ATXN7L1: variants seen among roughly 807,000 people sequenced by gnomAD.
ATXN7L1 encodes ataxin 7 like 1.
Under a neutral mutation model 70.8 loss-of-function variants are expected in ATXN7L1, and 15 were observed. The ratio of observed to expected loss-of-function variants is 0.21; its 90% confidence interval spans 0.14 to 0.33. The LOEUF (loss-of-function observed/expected upper bound fraction) is 0.33, where lower values mean the gene tolerates loss of function less well. Among genes scored for constraint, ATXN7L1 ranks in the 10% least tolerant of loss-of-function variants. The probability of loss-of-function intolerance (pLI) is 1.00; values close to 1 mark genes in which losing one functional copy is unlikely to be tolerated. For synonymous variants in ATXN7L1, 440 were observed against 445.1 expected, an observed-to-expected ratio of 0.99 and a Z score of 0.14; for missense variants, 975 against 1,097.1, an observed-to-expected ratio of 0.89 and a Z score of 1.57.
At chr7:105,626,974 GA>G (rs1350568221) in intron 7 of ATXN7L1, among the ~76,000 whole-genome samples, 1 of 152,182 alleles carries the variant, frequency 6.6e-6, no homozygotes, top group African/African-American at 2.4e-5. Flanking sequence ...TGATGTTGTG[GA>G]CGTGTTTCCA....
rs1792757531 is a variant in ATXN7L1 at position 105,606,195 on chromosome 7, TA to T, written c.*1656del. On this transcript the variant is annotated 3_prime_UTR_variant, in exon 12 of 12. Coordinates refer to ENST00000419735, the MANE Select transcript of ATXN7L1 (RefSeq NM_020725.2). ...TCATCCGAACTAATGTCCTGGTACTTAATATCAACTCCTGATTTTTAAACAA... is the reference window on the plus strand; with the variant it reads ...TCATCCGAACTAATGTCCTGGTACTTATATCAACTCCTGATTTTTAAACAA... 6.6e-6 allele frequency: 1 copy of T among 152,240 alleles called. No homozygotes were observed. The highest frequency in any genetic ancestry group is 2.4e-5 in the African/African-American group (1 of 41,466). The allele number at this position is 152,240 out of a possible 1,614,324, so 9.4% of individuals were successfully genotyped here.
chr7:105,829,087 A>G (rs1811239802), intron 2 of ATXN7L1, among the ~76,000 whole-genome samples: 1 of 152,142 alleles, frequency 6.6e-6, no homozygotes, highest in Admixed American at 6.6e-5. Context: ...AATACATTTG[A>G]CAGGCTGCCT....
chr7:105,650,875 G>C (rs1274809716), intron 4 of ATXN7L1, among the ~76,000 whole-genome samples: 1 of 152,232 alleles, frequency 6.6e-6, no homozygotes, highest in Non-Finnish European at 1.5e-5. Context: ...GAACAAGTAT[G>C]ACTGAATTGA....
intron 3 of ATXN7L1, 111 bp from the exon 4 acceptor site, chr7:105,665,399 A>G (rs1802463385): frequency 2.4e-6 from 2 of 824,630 alleles, no homozygotes; most frequent in Admixed American, 4.6e-5. Context: ...CTTTCCCTAC[A>G]GCACTGGCAT....
In ATXN7L1 at chr7:105,614,151, T is replaced by C; in HGVS notation, c.2183A>G (p.Asp728Gly). 6.4e-7 allele frequency: 1 copy of C among 1,551,622 alleles called. No homozygotes were observed. ...GRTSLPGGPADIVRQVGAVGG... is the reference protein window; with the variant it reads ...GRTSLPGGPAGIVRQVGAVGG... ...CACCGCGCCCACCTGTCTCACTATG[T>C]CCGCGGGGCCGCCGGGCAGCGAGGT... is the stretch of plus-strand genomic sequence containing the variant. The change falls in exon 10 of 12, where the codon GAC (aspartate) becomes GGC (glycine). Residue 728 changes from aspartate to glycine, a missense_variant. Asp to Gly is a moderately conservative substitution (Grantham distance 94, BLOSUM62 -1). Transcript: ENST00000419735. The surrounding 1 kb of genome is among the most constrained non-coding windows in gnomAD (Gnocchi z 4.3).
At chr7:105,774,949 A>G (rs955837908) in intron 3 of ATXN7L1, among the ~76,000 whole-genome samples, 2 of 152,182 alleles carry the variant, frequency 1.3e-5, no homozygotes, top group Admixed American at 6.5e-5. Context: ...AAATAACAGA[A>G]ACCAAATCTT....
At chr7:105,734,622 CA>C (rs1797175566) in intron 3 of ATXN7L1, among the ~76,000 whole-genome samples, 1 of 151,798 alleles carries the variant, frequency 6.6e-6, no homozygotes, top group Admixed American at 6.6e-5. Flanking sequence ...GAAGTTTTAG[CA>C]ACCTCCTTTC....
intron 2 of ATXN7L1, among the ~76,000 whole-genome samples, chr7:105,834,758 G>A (rs1585113795): frequency 6.6e-6 from 1 of 152,098 alleles, no homozygotes; most frequent in African/African-American, 2.4e-5. Flanking sequence ...CTTCAATAAC[G>A]TTCAGAGAAC....
chr7:105,705,489 A>T (rs1793039070), intron 3 of ATXN7L1, among the ~76,000 whole-genome samples: 1 of 152,022 alleles, frequency 6.6e-6, no homozygotes, highest in South Asian at 2.1e-4. Flanking sequence ...ACTTTTAATT[A>T]TTTTGATTGA....
Position 105,624,160 on chromosome 7 carries a change from G to T in ATXN7L1, c.1310C>A (p.Ser437Tyr). The change falls in exon 8 of 12, where the codon TCC becomes TAC. Residue 437 changes from serine to tyrosine, a missense_variant. Coordinates refer to ENST00000419735, the MANE Select transcript of ATXN7L1 (RefSeq NM_020725.2). ...PVGGDLASRL[S>Y]SDEGEMDGAD... ...TCCGTCCATCTCCCCTTCATCACTGGACAGTCGGCTGGCGAGGTCACCTCC... is the reference window on the plus strand; with the variant it reads ...TCCGTCCATCTCCCCTTCATCACTGTACAGTCGGCTGGCGAGGTCACCTCC... 2 of 1,535,156 alleles carry T rather than the reference G, an allele frequency of 1.3e-6. No homozygotes were observed. Among genetic ancestry groups the T allele is most frequent in the Non-Finnish European group, 1.8e-6 (2 of 1,137,788 alleles).
intron 3 of ATXN7L1, among the ~76,000 whole-genome samples, chr7:105,744,596 A>T (rs1161780762): frequency 6.6e-6 from 1 of 152,100 alleles, no homozygotes; most frequent in Non-Finnish European, 1.5e-5. Context: ...CAAAACCTGA[A>T]TCCAATCACA....
chr7:105,642,037 G>A (rs1798337430), intron 5 of ATXN7L1, among the ~76,000 whole-genome samples: 1 of 152,190 alleles, frequency 6.6e-6, no homozygotes, highest in African/African-American at 2.4e-5. Context: ...ATCAGGGAGT[G>A]CCCATGATGT....
At chr7:105,827,873 A>G (rs1486869498) in intron 2 of ATXN7L1, among the ~76,000 whole-genome samples, 6 of 152,226 alleles carry the variant, frequency 3.9e-5, no homozygotes, top group East Asian at 1.9e-4. Context: ...TCCTATAATC[A>G]GAAACACTAA....
At position 105,605,484 on chromosome 7, in the gene ATXN7L1, G is replaced by GGGA. The variant is rs1792727845; in HGVS notation, c.*2367_*2368insTCC. 1 of 92,242 alleles carries GGGA rather than the reference G, an allele frequency of 1.1e-5. No individual in the cohort carries two copies. Among genetic ancestry groups the GGGA allele is most frequent in the Non-Finnish European group, 2.2e-5 (1 of 44,596 alleles). 5.7% of individuals were successfully genotyped at this position (92,242 alleles called of 1,614,324 possible). A position where few individuals can be genotyped will look rare whatever the true frequency, so the allele number is the denominator to read the frequency against. Reference sequence around the variant, plus strand: ...CAGCATTCGATGAGGGTGGGGGGGGGGGTGGGGGCTCTTTATTCCAGCTTC... The same window carrying GGGA: ...CAGCATTCGATGAGGGTGGGGGGGGGGGAGGTGGGGGCTCTTTATTCCAGCTTC... On this transcript the variant is annotated 3_prime_UTR_variant, in exon 12 of 12. Coordinates refer to ENST00000419735, the MANE Select transcript of ATXN7L1 (RefSeq NM_020725.2).
intron 2 of ATXN7L1, 86 bp from the exon 3 acceptor site, chr7:105,788,794 G>A (rs1309525638): frequency 2.6e-6 from 3 of 1,145,900 alleles, no homozygotes; most frequent in East Asian, 2.5e-5. Context: ...TTTCTTCAAG[G>A]ACAGTTTTTC....
intron 2 of ATXN7L1, among the ~76,000 whole-genome samples, chr7:105,808,001 A>T (rs1429289830): frequency 6.6e-6 from 1 of 152,214 alleles, no homozygotes; most frequent in Non-Finnish European, 1.5e-5. Context: ...GAAGCACTGG[A>T]GGATAATTCT....
In ATXN7L1 at chr7:105,610,617, T is replaced by G; in HGVS notation, c.2473-14A>C. 1 of 1,547,356 alleles carries G rather than the reference T, an allele frequency of 6.5e-7. No individual in the cohort carries two copies. ...ATTTTTCCCAACCTGAAAGACACCA[T>G]TGAAGCCCCACTCAGACACACGAGC... On this transcript the variant is annotated splice_polypyrimidine_tract_variant and intron_variant, in intron 10 of 11. Coordinates refer to ENST00000419735, the MANE Select transcript of ATXN7L1 (RefSeq NM_020725.2).
chr7:105,678,908 G>T, intron 3 of ATXN7L1: 1 of 259,390 alleles, frequency 3.9e-6, no homozygotes, highest in Non-Finnish European at 6.0e-6. Context: ...CCCACAGCCG[G>T]AGAGCACTGT....
intron 2 of ATXN7L1, among the ~76,000 whole-genome samples, chr7:105,865,404 C>CTT (rs111371346): frequency 2.1e-5 from 3 of 145,112 alleles, no homozygotes; most frequent in African/African-American, 5.0e-5. Flanking sequence ...ACCATTTTAA[C>CTT]TTTTTTTTTT....
Sources: gnomAD v4.1 joint callset for allele counts (sites outside exome capture counted in the v4.1 genomes callset) on GRCh38, gnomAD v4.1.1 for gene constraint, Gnocchi (gnomAD v3.1) non-coding constraint, MANE v1.5 for transcripts, NCBI Gene and HGNC (gene_info 2026-07-23, HGNC 2026-07-21) for gene names.